The following CTNND2 variants were observed in gnomAD, a reference collection of about 807,000 sequenced individuals.
CTNND2 encodes the protein catenin delta 2.
CTNND2 carries 22 observed loss-of-function variants against 144.4 expected under a neutral mutation model. The ratio of observed to expected loss-of-function variants is 0.15; its 90% confidence interval spans 0.11 to 0.22. CTNND2 has a LOEUF of 0.22. Among genes scored for constraint, CTNND2 ranks in the 10% least tolerant of loss-of-function variants. The pLI is 1.00. For missense variants in CTNND2, 1,353 were observed against 1,618.8 expected (o/e 0.84, Z 2.82); for synonymous variants, 751 against 695.6 (o/e 1.08, Z -1.25).
At chr5:11,036,711 A>G (rs933503123) in intron 16 of CTNND2, among the ~76,000 whole-genome samples, 1 of 152,222 alleles carries the variant, frequency 6.6e-6, no homozygotes, top group African/African-American at 2.4e-5. Context: ...AACTTTTAGA[A>G]GTATCTTCTA....
intron 1 of CTNND2, among the ~76,000 whole-genome samples, chr5:11,899,172 C>CT (rs1737657203): frequency 6.6e-6 from 1 of 152,058 alleles, no homozygotes; most frequent in South Asian, 2.1e-4. Flanking sequence ...TTTAAGGTTT[C>CT]TTTTTTCTCT....
At chr5:11,603,237 T>A (rs10223115) in intron 2 of CTNND2, among the ~76,000 whole-genome samples, 2 of 152,174 alleles carry the variant, frequency 1.3e-5, no homozygotes, top group Non-Finnish European at 2.9e-5. Flanking sequence ...ATTCCATGTA[T>A]ACTTAGTATA....
intron 16 of CTNND2, among the ~76,000 whole-genome samples, chr5:11,070,062 A>G (rs533074882): frequency 6.6e-6 from 1 of 152,378 alleles, no homozygotes; most frequent in South Asian, 2.1e-4. Context: ...CCGGCATACA[A>G]TAACAAATCA....
At chr5:11,752,535 G>A (rs921407890) in intron 1 of CTNND2, among the ~76,000 whole-genome samples, 5 of 149,916 alleles carry the variant, frequency 3.3e-5, no homozygotes, top group Non-Finnish European at 7.4e-5. Context: ...TGGTCTATGT[G>A]TCTGTTCTTT....
At chr5:11,853,183 C>G (rs903003186) in intron 1 of CTNND2, among the ~76,000 whole-genome samples, 8 of 152,144 alleles carry the variant, frequency 5.3e-5, no homozygotes, top group African/African-American at 1.7e-4. Context: ...CTGCTTTGGT[C>G]AGGCTCCCCA....
intron 2 of CTNND2, among the ~76,000 whole-genome samples, chr5:11,649,626 A>G (rs185371601): frequency 1.3e-5 from 2 of 152,296 alleles, no homozygotes; most frequent in Admixed American, 1.3e-4. Flanking sequence ...TAAAGAAACA[A>G]ACTCTTGATG....
chr5:11,240,947 GCA>G (rs1742356400), intron 9 of CTNND2, among the ~76,000 whole-genome samples: 1 of 123,082 alleles, frequency 8.1e-6, no homozygotes, highest in Admixed American at 8.4e-5. Context: ...CACACACTGA[GCA>G]CACACACCCA....
intron 18 of CTNND2, among the ~76,000 whole-genome samples, chr5:11,003,819 C>G (rs766544079): frequency 1.3e-5 from 2 of 152,184 alleles, no homozygotes; most frequent in Non-Finnish European, 2.9e-5. Context: ...ATAAATACCA[C>G]CTGACATACC....
intron 16 of CTNND2, among the ~76,000 whole-genome samples, chr5:11,035,641 T>C (rs1175987958): frequency 6.6e-6 from 1 of 152,256 alleles, no homozygotes; most frequent in Non-Finnish European, 1.5e-5. Flanking sequence ...CTGTACTAGG[T>C]ACAATAGTTG....
chr5:11,274,182 G>A (rs1444969400), intron 9 of CTNND2, among the ~76,000 whole-genome samples: 2 of 152,074 alleles, frequency 1.3e-5, no homozygotes, highest in Non-Finnish European at 2.9e-5. Context: ...TTCTATTGGC[G>A]TAATCCCTGA....
chr5:11,318,518 G>T (rs1007467187), intron 9 of CTNND2, among the ~76,000 whole-genome samples: 8 of 152,034 alleles, frequency 5.3e-5, no homozygotes, highest in African/African-American at 1.9e-4. Context: ...TAGCTCTTAG[G>T]CCCCTCCTCA....
chr5:11,247,005 C>T (rs146834106), intron 9 of CTNND2, among the ~76,000 whole-genome samples: 9 of 152,280 alleles, frequency 5.9e-5, no homozygotes, highest in South Asian at 2.1e-4. Flanking sequence ...GCCACTGGAA[C>T]GCTGGGATCT....
At chr5:11,034,787 C>A (rs1332218356) in intron 16 of CTNND2, among the ~76,000 whole-genome samples, 1 of 151,632 alleles carries the variant, frequency 6.6e-6, no homozygotes, top group Non-Finnish European at 1.5e-5. Context: ...TGATCTTTGT[C>A]ATTTTTTATT....
At chr5:11,593,920 G>GT (rs1484099588) in intron 2 of CTNND2, among the ~76,000 whole-genome samples, 1 of 128,334 alleles carries the variant, frequency 7.8e-6, no homozygotes, top group African/African-American at 3.1e-5. Flanking sequence ...GACAGATAAT[G>GT]CCCAAATTGG....
Position 11,082,825 on chromosome 5 carries a change from C to A in CTNND2, c.2659G>T (p.Ala887Ser), listed in dbSNP as rs763000398. Residue 887 changes from alanine (A) to serine (S), a missense_variant, in exon 16 of 22, where the codon GCT becomes TCT. Transcript: ENST00000304623. ...GGCAGGCCTTTCTCTTTTCGGACAG[C>A]GGCTCGGATATATACTGACCACTGC... Reference protein sequence around the residue: ...SWKWSVYIRAAVRKEKGLPIL... With the variant: ...SWKWSVYIRASVRKEKGLPIL... The A allele has an allele frequency of 5.0e-6, 8 of 1,614,106 alleles. No homozygotes were observed. The highest frequency in any genetic ancestry group is 2.2e-5 in the East Asian group (1 of 44,880).
intron 1 of CTNND2, among the ~76,000 whole-genome samples, chr5:11,774,225 T>G (rs2126832172): frequency 6.6e-6 from 1 of 152,140 alleles, no homozygotes; most frequent in African/African-American, 2.4e-5. Context: ...ACAATGTTCT[T>G]GCGATAGTTT....
At chr5:11,212,083 G>T (rs1738696335) in intron 10 of CTNND2, among the ~76,000 whole-genome samples, 1 of 151,772 alleles carries the variant, frequency 6.6e-6, no homozygotes. Flanking sequence ...TTCTATTTTA[G>T]GTGACGGAGT....
At chr5:11,271,254 T>C (rs1457163376) in intron 9 of CTNND2, among the ~76,000 whole-genome samples, 3 of 152,202 alleles carry the variant, frequency 2.0e-5, no homozygotes, top group African/African-American at 7.2e-5. Context: ...CACCCACTAA[T>C]GGATCACAAC....
At chr5:11,757,579 AT>A in intron 1 of CTNND2, among the ~76,000 whole-genome samples, 1 of 151,972 alleles carries the variant, frequency 6.6e-6, no homozygotes, top group Non-Finnish European at 1.5e-5. Flanking sequence ...CGCCAACAAC[AT>A]AAAGGAATGC....
Sources: allele counts gnomAD v4.1 joint callset (sites outside exome capture counted in the v4.1 genomes callset), GRCh38; gene constraint gnomAD v4.1.1; transcripts MANE v1.5; gene names NCBI Gene and HGNC (gene_info 2026-07-23, HGNC 2026-07-21).